CNBD1: variants seen among roughly 807,000 people sequenced by gnomAD.
CNBD1 encodes the protein cyclic nucleotide binding domain containing 1.
In CNBD1, 71 loss-of-function variants were observed where a neutral mutation model predicts 54.4. The observed-to-expected ratio is 1.30, with a 90% CI of 1.08 to 1.59. CNBD1 has a LOEUF of 1.59. Among genes scored for constraint, CNBD1 ranks in the 40% most tolerant of loss-of-function variants. The probability of loss-of-function intolerance (pLI) is 0.00; values close to 1 mark genes in which losing one functional copy is unlikely to be tolerated. For synonymous variants in CNBD1, 182 were observed against 170.7 expected (o/e 1.07, Z -0.51); for missense variants, 659 against 518.0 (o/e 1.27, Z -2.64).
At chr8:86,899,222 T>C (rs186057337) in intron 2 of CNBD1, among the ~76,000 whole-genome samples, 19 of 152,162 alleles carry the variant, frequency 1.2e-4, no homozygotes, top group Admixed American at 1.2e-3. Context: ...AGAATATATG[T>C]AGGATGAACA....
intron 8 of CNBD1, among the ~76,000 whole-genome samples, chr8:87,317,088 T>C (rs1809403318): frequency 6.6e-6 from 1 of 151,788 alleles, no homozygotes; most frequent in African/African-American, 2.4e-5. Flanking sequence ...ATAAGAAATT[T>C]TTTTGTGGGG....
chr8:87,364,739 CT>C (rs1319803337), intron 10 of CNBD1, among the ~76,000 whole-genome samples: 1 of 151,824 alleles, frequency 6.6e-6, no homozygotes, highest in South Asian at 2.1e-4. Flanking sequence ...GGAAAATATG[CT>C]GTATTTGGTT....
At position 86,905,145 on chromosome 8, in the gene CNBD1, C is replaced by A. The variant is rs146302968; in HGVS notation, c.223C>A (p.Leu75Met). The A allele has an allele frequency of 4.3e-4, 701 of 1,612,472 alleles. 1 individual carries two copies. The African/African-American group carries it at 5.6e-3, about 13-fold the overall frequency. The change falls in exon 3 of 11, where the codon CTG becomes ATG. Residue 75 changes from leucine (L) to methionine (M), a missense_variant. Physicochemically the swap from Leu to Met is conservative, Grantham distance 15. Coordinates refer to ENST00000518476, the MANE Select transcript of CNBD1 (RefSeq NM_173538.3). The stretch of plus-strand genomic sequence containing the variant: ...TATGAAGCAATATCCTAAAGTATTC[C>A]TGCACCAAAAACCCAGACTTCCTAA... ...TFMKQYPKVF[L>M]HQKPRLPKLF...
intron 4 of CNBD1, among the ~76,000 whole-genome samples, chr8:87,070,762 T>G (rs1810744144): frequency 6.6e-6 from 1 of 152,056 alleles, no homozygotes; most frequent in South Asian, 2.1e-4. Flanking sequence ...GCTTTTGGCA[T>G]TTATTAACCC....
chr8:87,017,634 T>C (rs1307633206), intron 4 of CNBD1, among the ~76,000 whole-genome samples: 14 of 152,204 alleles, frequency 9.2e-5, no homozygotes, highest in Admixed American at 9.2e-4. Flanking sequence ...CTCCAGTGCC[T>C]AATAGCTCTC....
intron 2 of CNBD1, among the ~76,000 whole-genome samples, chr8:87,424,169 T>G (rs192166645): frequency 1.2e-4 from 18 of 152,204 alleles, no homozygotes; most frequent in Admixed American, 3.3e-4. Context: ...TTCTCCCTTT[T>G]TTCTTTATTA....
chr8:87,290,741 G>T (rs1002978289), intron 8 of CNBD1, among the ~76,000 whole-genome samples: 5 of 152,106 alleles, frequency 3.3e-5, no homozygotes, highest in African/African-American at 4.8e-5. Context: ...CAGGGTGTAG[G>T]ATTTGAAGCT....
chr8:86,903,682 T>C (rs551344428), intron 2 of CNBD1, among the ~76,000 whole-genome samples: 3 of 152,124 alleles, frequency 2.0e-5, no homozygotes. Flanking sequence ...GGTTGCAGTT[T>C]CTTTTTGTGC....
At chr8:87,322,409 C>T (rs1230403975) in intron 8 of CNBD1, among the ~76,000 whole-genome samples, 1 of 119,920 alleles carries the variant, frequency 8.3e-6, no homozygotes, top group African/African-American at 3.1e-5. Flanking sequence ...AACTAGTTTA[C>T]AGTCCCACCA....
Position 87,382,500 on chromosome 8 carries a change from T to C in CNBD1, c.1304-120T>C, listed in dbSNP as rs1270567900. On this transcript the variant is annotated intron_variant, in intron 10 of 10. Transcript: ENST00000518476. ...AGCTCTGACAATATTATTTTTTTCTTTTAAAGCATAACCCCTCTGACTCAG... is the reference window on the plus strand; with the variant it reads ...AGCTCTGACAATATTATTTTTTTCTCTTAAAGCATAACCCCTCTGACTCAG... The C allele has an allele frequency of 5.4e-5, 37 of 690,798 alleles. 1 individual carries two copies. Among genetic ancestry groups the C allele is most frequent in the Non-Finnish European group, 8.1e-5 (33 of 408,564 alleles). The allele number at this position is 690,798 out of a possible 1,614,324, so 42.8% of individuals were successfully genotyped here.
chr8:87,299,750 A>G (rs1808947817), intron 8 of CNBD1, among the ~76,000 whole-genome samples: 1 of 152,182 alleles, frequency 6.6e-6, no homozygotes, highest in Admixed American at 6.5e-5. Context: ...AAAAGGTACT[A>G]CTTTCTCATG....
In CNBD1 at chr8:87,297,849, T is replaced by G. The variant is rs1025861962; in HGVS notation, c.1042+11178T>G. ...GAATTAAATATCTTAGATCTTAATC[T>G]TTATGGATGCTAATGGGCCTCATGA... On this transcript the variant is annotated intron_variant, in intron 8 of 10. Coordinates refer to ENST00000518476, the MANE Select transcript of CNBD1 (RefSeq NM_173538.3). Among the ~76,000 whole-genome samples the G allele has an allele frequency of 9.9e-4, 150 of 152,156 alleles. 2 individuals are homozygous for G. Among genetic ancestry groups the G allele is most frequent in the Non-Finnish European group, 2.1e-4 (14 of 67,956 alleles).
intron 4 of CNBD1, among the ~76,000 whole-genome samples, chr8:86,998,143 C>T (rs1295861969): frequency 2.6e-5 from 4 of 151,792 alleles, no homozygotes; most frequent in African/African-American, 9.7e-5. Flanking sequence ...AAGGAAAATT[C>T]AGGGTTAGGT....
chr8:87,211,426 G>A (rs953916753), intron 5 of CNBD1, among the ~76,000 whole-genome samples: 7 of 152,080 alleles, frequency 4.6e-5, no homozygotes, highest in African/African-American at 1.7e-4. Flanking sequence ...TGGGGGCCAG[G>A]GGCAGAATGA....
intron 6 of CNBD1, among the ~76,000 whole-genome samples, chr8:87,272,830 T>A (rs1030786307): frequency 6.6e-6 from 1 of 151,998 alleles, no homozygotes; most frequent in Non-Finnish European, 1.5e-5. Flanking sequence ...GTGCTAACTT[T>A]AAAAAATTTA....
downstream of CNBD1, among the ~76,000 whole-genome samples, chr8:87,385,712 G>A (rs896315977): frequency 6.6e-6 from 1 of 152,158 alleles, no homozygotes. Context: ...CCAATCAAAA[G>A]GCAGCAGAAA....
At chr8:86,894,035 A>ATTTTTTTTTTTTTTTTTT (rs869060076) in intron 2 of CNBD1, among the ~76,000 whole-genome samples, 1 of 52,342 alleles carries the variant, frequency 1.9e-5, no homozygotes, top group Non-Finnish European at 3.6e-5. Context: ...TAATAGATTA[A>ATTTTTTTTTTTTTTTTTT]TTTTTTTTTT....
At chr8:87,016,497 C>T (rs1490082879) in intron 4 of CNBD1, among the ~76,000 whole-genome samples, 1 of 149,904 alleles carries the variant, frequency 6.7e-6, no homozygotes, top group East Asian at 1.9e-4. Flanking sequence ...ACCCTAAGCC[C>T]TATGGTTATC....
At chr8:87,320,217 AGTT>A (rs1267489563) in intron 8 of CNBD1, among the ~76,000 whole-genome samples, 2 of 152,188 alleles carry the variant, frequency 1.3e-5, no homozygotes, top group Admixed American at 1.3e-4. Flanking sequence ...TGCCTTATCA[AGTT>A]CATTATATTT....
Sources: allele counts gnomAD v4.1 joint callset (sites outside exome capture counted in the v4.1 genomes callset), GRCh38; gene constraint gnomAD v4.1.1; transcripts MANE v1.5; gene names NCBI Gene and HGNC (gene_info 2026-07-23, HGNC 2026-07-21).